Variants in HEATR4 observed in about 807,000 individuals in gnomAD.
The protein encoded by HEATR4 is HEAT repeat containing 4, also known as HEAT repeat-containing protein 4.
Under a neutral mutation model 108.8 loss-of-function variants are expected in HEATR4, and 95 were observed. The observed-to-expected ratio is 0.87, with a 90% confidence interval of 0.74 to 1.04. HEATR4 has a LOEUF of 1.04. Ranked by LOEUF, HEATR4 falls within the 50% of genes least tolerant of loss-of-function variation. The pLI is 0.00. For synonymous variants in HEATR4, 443 were observed against 459.4 expected (o/e 0.96, Z 0.46); for missense variants, 1,152 against 1,253.8 (o/e 0.92, Z 1.23).
the HEATR4 span, among the ~76,000 whole-genome samples, chr14:73,589,507 G>A: frequency 6.6e-6 from 1 of 152,066 alleles, no homozygotes; most frequent in African/African-American, 2.4e-5. Flanking sequence ...GTTAGTGGAG[G>A]CGGGTTTCAC....
rs1362664512 is a variant in HEATR4 at position 73,500,719 on chromosome 14, C to G, written c.2117G>C (p.Gly706Ala). 1 of 1,613,520 alleles carries G rather than the reference C, an allele frequency of 6.2e-7. No homozygotes were observed. Among genetic ancestry groups the G allele is most frequent in the East Asian group, 2.2e-5 (1 of 44,862 alleles). The part of the protein sequence containing the change: ...EVHDIIRVKL[G>A]QGNSQERVEA... ...CACACGCTCCTGGGAATTTCCTTGACCTAGCTTGACCCTGTAAGGCACAAG... is the reference window on the plus strand; with the variant it reads ...CACACGCTCCTGGGAATTTCCTTGAGCTAGCTTGACCCTGTAAGGCACAAG... The change falls in exon 12 of 18, where the codon GGT (glycine) becomes GCT (alanine). Residue 706 changes from glycine (G) to alanine (A), a missense_variant. Gly to Ala is a moderately conservative substitution (Grantham distance 60, BLOSUM62 0). Transcript: ENST00000553558.
chr14:73,548,581 A>T (rs1343317159), intron 1 of HEATR4, among the ~76,000 whole-genome samples: 1 of 115,704 alleles, frequency 8.6e-6, no homozygotes, highest in African/African-American at 2.8e-5. Context: ...ACATGTGCAT[A>T]AGGCACGGAA....
the HEATR4 span, chr14:73,591,639 TCATC>T: frequency 3.3e-6 from 1 of 303,482 alleles, no homozygotes; most frequent in East Asian, 5.3e-5. Flanking sequence ...CACAAATTGA[TCATC>T]CAACAACTTT....
intron 17 of HEATR4, among the ~76,000 whole-genome samples, chr14:73,486,435 C>T (rs554568675): frequency 6.6e-6 from 1 of 152,266 alleles, no homozygotes; most frequent in East Asian, 1.9e-4. Context: ...TGGTGGCTCA[C>T]GCCCGTAATT....
the HEATR4 span, among the ~76,000 whole-genome samples, chr14:73,597,579 CT>C: frequency 1.4e-5 from 2 of 138,160 alleles, no homozygotes; most frequent in South Asian, 2.3e-4. Context: ...CTTTTTTTTT[CT>C]TTTTTCTTTT....
At chr14:73,525,402 A>G (rs1261698864) in intron 2 of HEATR4, among the ~76,000 whole-genome samples, 1 of 152,160 alleles carries the variant, frequency 6.6e-6, no homozygotes, top group Non-Finnish European at 1.5e-5. Flanking sequence ...GTGACACATG[A>G]TTAATATGCT....
intron 4 of HEATR4, among the ~76,000 whole-genome samples, chr14:73,519,574 GTC>G (rs1482891172): frequency 6.6e-6 from 1 of 151,800 alleles, no homozygotes; most frequent in Non-Finnish European, 1.5e-5. Context: ...TAAGACCCCC[GTC>G]TCTACAAAAA....
At chr14:73,524,853 G>A (rs559088345) in intron 2 of HEATR4, among the ~76,000 whole-genome samples, 54 of 152,022 alleles carry the variant, frequency 3.6e-4, no homozygotes, top group Non-Finnish European at 5.4e-4. Context: ...ACTCCTGCCC[G>A]GTGTCCAAGG....
At chr14:73,596,600 ATTAT>A in the HEATR4 span, 1 of 151,894 alleles carries the variant, frequency 6.6e-6, no homozygotes, top group Non-Finnish European at 1.5e-5. Flanking sequence ...ATTTATTATT[ATTAT>A]TATTATTATT....
Position 73,479,419 on chromosome 14 carries a change from T to TC in HEATR4, c.2845-578_2845-577insG, listed in dbSNP as rs1885154182. Among the ~76,000 whole-genome samples, 11 of 105,162 alleles carry TC rather than the reference T, an allele frequency of 1.0e-4. No homozygotes were observed. In the East Asian group the frequency reaches 1.7e-3, roughly 16 times the overall value. The allele number at this position is 105,162 out of a possible 152,430, so 69.0% of individuals were successfully genotyped here. A position where few individuals can be genotyped will look rare whatever the true frequency, so the allele number is the denominator to read the frequency against. ...GTCAGCCACTGCGCCCGGCGTTTTT[T>TC]TTTCTTTCTTTCTTTCTTTCTTTTT... On this transcript the variant is annotated intron_variant, in intron 17 of 17. Coordinates refer to ENST00000553558, the MANE Select transcript of HEATR4 (RefSeq NM_001220484.1).
Position 73,478,775 on chromosome 14 carries a change from T to C in HEATR4, c.2912A>G (p.Lys971Arg), listed in dbSNP as rs1440424174. ...ATCTTTGACAAGTGATGAACGAACT[T>C]TGCTTCGTGTGGTTAGGCCTGGGAC... ...SSVPGLTTRS[K>R]VRSSLVKDLR... The change falls in exon 18 of 18, where the codon AAA (lysine) becomes AGA (arginine). Residue 971 changes from lysine (K) to arginine (R), a missense_variant. Lys to Arg is a conservative substitution (Grantham distance 26). Transcript: ENST00000553558. 4 of 1,613,784 alleles carry C rather than the reference T, an allele frequency of 2.5e-6. No homozygotes were observed. Among genetic ancestry groups the C allele is most frequent in the Non-Finnish European group, 2.5e-6 (3 of 1,179,956 alleles).
intron 10 of HEATR4, 23 bp from the exon 11 acceptor site, chr14:73,503,036 G>A: frequency 2.0e-6 from 3 of 1,517,632 alleles, no homozygotes; most frequent in East Asian, 2.2e-5. Context: ...ATGATCATTA[G>A]GTATCATCAC....
At chr14:73,628,470 G>T in the HEATR4 span, among the ~76,000 whole-genome samples, 286 of 152,120 alleles carry the variant, frequency 1.9e-3, 1 homozygote, top group Non-Finnish European at 3.6e-3. Flanking sequence ...AATTGCCACA[G>T]CCTCTGGGTG....
chr14:73,562,802 T>C (rs1465340017), upstream of HEATR4, among the ~76,000 whole-genome samples: 2 of 152,002 alleles, frequency 1.3e-5, no homozygotes, highest in Admixed American at 1.3e-4. Context: ...GTGGTCAGAC[T>C]GGTTCTCTGC....
chr14:73,583,618 C>T, the HEATR4 span, among the ~76,000 whole-genome samples: 11 of 152,052 alleles, frequency 7.2e-5, no homozygotes, highest in African/African-American at 2.7e-4. Flanking sequence ...GTGAGACAAT[C>T]TCCTGATGAT....
chr14:73,557,489 T>TTC lies in HEATR4; in HGVS notation c.-152+1260_-152+1261dup, dbSNP rs528683264. Among the ~76,000 whole-genome samples, 53 of 81,972 alleles carry TTC rather than the reference T, an allele frequency of 6.5e-4. 1 individual carries two copies. The highest frequency in any genetic ancestry group is 2.1e-3 in the African/African-American group (52 of 24,688). 53.8% of individuals were successfully genotyped at this position (81,972 alleles called of 152,430 possible). A position where few individuals can be genotyped will look rare whatever the true frequency, so the allele number is the denominator to read the frequency against. On this transcript the variant is annotated intron_variant, in intron 1 of 17. Transcript: ENST00000553558. ...GTGCTAAAAGGAGTAATATCTTGCA[T>TTC]TCTCCCTTGTTATTAAAATAGAGGA...
In HEATR4 at chr14:73,478,531, A is replaced by T; in HGVS notation, c.*75T>A. 1 of 907,178 alleles carries T rather than the reference A, an allele frequency of 1.1e-6. No individual in the cohort carries two copies. Among genetic ancestry groups the T allele is most frequent in the Non-Finnish European group, 1.8e-6 (1 of 561,820 alleles). 56.2% of individuals were successfully genotyped at this position (907,178 alleles called of 1,614,324 possible). On this transcript the variant is annotated 3_prime_UTR_variant, in exon 18 of 18. Transcript: ENST00000553558. Reference sequence around the variant, plus strand: ...ATAAACATAGTGACAACAAGATTGTACAGTATCAATTAAAAAGACCCAATG... The same window carrying T: ...ATAAACATAGTGACAACAAGATTGTTCAGTATCAATTAAAAAGACCCAATG...
the HEATR4 span, chr14:73,569,787 T>C: frequency 5.0e-6 from 8 of 1,605,076 alleles, no homozygotes; most frequent in Non-Finnish European, 5.9e-6. Context: ...GCGGCTGCTG[T>C]GCCAGACGCG....
chr14:73,478,535 T>G lies in HEATR4; in HGVS notation c.*71A>C. 1.1e-6 allele frequency: 1 copy of G among 938,896 alleles called. No homozygotes were observed. Among genetic ancestry groups the G allele is most frequent in the South Asian group, 1.4e-5 (1 of 69,794 alleles). 58.2% of individuals were successfully genotyped at this position (938,896 alleles called of 1,614,324 possible). On this transcript the variant is annotated 3_prime_UTR_variant, in exon 18 of 18. Coordinates refer to ENST00000553558, the MANE Select transcript of HEATR4 (RefSeq NM_001220484.1). ...ACATAGTGACAACAAGATTGTACAG[T>G]ATCAATTAAAAAGACCCAATGTGAC...
Sources: allele counts gnomAD v4.1 joint callset (sites outside exome capture counted in the v4.1 genomes callset), GRCh38; gene constraint gnomAD v4.1.1; transcripts MANE v1.5; gene names NCBI Gene and HGNC (gene_info 2026-07-23, HGNC 2026-07-21).